The following ERBB4 variants were observed in gnomAD, a reference collection of about 807,000 sequenced individuals.
The protein encoded by ERBB4 is receptor tyrosine-protein kinase erbB-4.
Under a neutral mutation model 158.0 loss-of-function variants are expected in ERBB4, and 42 were observed. That is an observed-to-expected ratio of 0.27 (90% CI 0.21 to 0.34). The LOEUF (loss-of-function observed/expected upper bound fraction) is 0.34, where lower values mean the gene tolerates loss of function less well. Among genes scored for constraint, ERBB4 ranks in the 10% least tolerant of loss-of-function variants. The pLI, the probability that ERBB4 is intolerant of heterozygous loss-of-function variation, is 1.00. For missense variants in ERBB4, 1,333 were observed against 1,624.1 expected (o/e 0.82, Z 3.08); for synonymous variants, 583 against 558.7 (o/e 1.04, Z -0.61).
intron 20 of ERBB4, among the ~76,000 whole-genome samples, chr2:211,484,369 AG>A (rs541098816): frequency 4.1e-4 from 63 of 152,294 alleles, no homozygotes; most frequent in Middle Eastern, 6.8e-3. Flanking sequence ...ATCTAAATCT[AG>A]TTACATCAAT....
In ERBB4 at chr2:211,816,540, C is replaced by CAAAAAAAAAAAAAAAAAAA. The variant is rs34323414; in HGVS notation, c.422-28400_422-28382dup. Among the ~76,000 whole-genome samples, 2 of 65,888 alleles carry CAAAAAAAAAAAAAAAAAAA rather than the reference C, an allele frequency of 3.0e-5. 1 individual carries two copies. 43.2% of individuals were successfully genotyped at this position (65,888 alleles called of 152,430 possible). On this transcript the variant is annotated intron_variant, in intron 3 of 27. Transcript: ENST00000342788. ...TGGGTGACAGAGCGAGAGCCCGTCT[C>CAAAAAAAAAAAAAAAAAAA]AAAAAAAAAAAAAAAAAAAAAAAGA...
intron 1 of ERBB4, among the ~76,000 whole-genome samples, chr2:212,436,268 A>G (rs1203668750): frequency 6.6e-6 from 1 of 152,032 alleles, no homozygotes; most frequent in Non-Finnish European, 1.5e-5. Flanking sequence ...TTTAGAAACC[A>G]AAAAGTTTAT....
chr2:211,638,653 G>A (rs754610792), intron 16 of ERBB4, among the ~76,000 whole-genome samples: 23 of 151,948 alleles, frequency 1.5e-4, no homozygotes, highest in Admixed American at 3.3e-4. Flanking sequence ...TTTTTGACTC[G>A]GCTTTATGTG....
intron 3 of ERBB4, among the ~76,000 whole-genome samples, chr2:211,939,677 G>C (rs746561869): frequency 2.0e-5 from 3 of 152,124 alleles, no homozygotes; most frequent in Non-Finnish European, 4.4e-5. Flanking sequence ...GCCGGGCATG[G>C]TGGCTCACAC....
intron 9 of ERBB4, 32 bp downstream of exon 9, chr2:211,712,018 T>A (rs768391338): frequency 1.3e-6 from 2 of 1,589,760 alleles, no homozygotes; most frequent in Non-Finnish European, 1.7e-6. Context: ...CTACACTTTG[T>A]AAAATAACTT....
At chr2:212,528,571 T>C (rs1692576054) in intron 1 of ERBB4, among the ~76,000 whole-genome samples, 1 of 152,186 alleles carries the variant, frequency 6.6e-6, no homozygotes, top group Admixed American at 6.5e-5. Context: ...TTCTCATTAA[T>C]AGATTACTCG....
intron 2 of ERBB4, among the ~76,000 whole-genome samples, chr2:212,024,288 A>C (rs1575531207): frequency 6.6e-6 from 1 of 152,078 alleles, no homozygotes; most frequent in South Asian, 2.1e-4. Flanking sequence ...AATTTCCAAA[A>C]TAGATTGTGG....
At chr2:212,105,488 T>C (rs567508066) in intron 2 of ERBB4, among the ~76,000 whole-genome samples, 3 of 152,334 alleles carry the variant, frequency 2.0e-5, no homozygotes, top group African/African-American at 7.2e-5. Flanking sequence ...CTCTGAGTCT[T>C]TAGCAATCAC....
At chr2:211,571,026 C>CT (rs1194254725) in intron 19 of ERBB4, among the ~76,000 whole-genome samples, 3 of 144,944 alleles carry the variant, frequency 2.1e-5, no homozygotes, top group Non-Finnish European at 4.5e-5. Flanking sequence ...TTTTCACTCT[C>CT]TGAGTACTCT....
chr2:211,773,911 G>A (rs1013410279), intron 4 of ERBB4, among the ~76,000 whole-genome samples: 9 of 151,588 alleles, frequency 5.9e-5, no homozygotes, highest in Non-Finnish European at 1.2e-4. Context: ...ATCCAACATT[G>A]AGGTTGTAAA....
intron 1 of ERBB4, among the ~76,000 whole-genome samples, chr2:212,344,194 A>G (rs1365063586): frequency 6.6e-6 from 1 of 152,142 alleles, no homozygotes; most frequent in Non-Finnish European, 1.5e-5. Context: ...AAAAATAGAG[A>G]GTTAAAGCAA....
intron 20 of ERBB4, among the ~76,000 whole-genome samples, chr2:211,553,761 G>A (rs1297226042): frequency 6.6e-6 from 1 of 152,148 alleles, no homozygotes; most frequent in African/African-American, 2.4e-5. Context: ...TGATAGAGAT[G>A]AGATTTGAAC....
At chr2:212,423,787 A>G (rs1170334314) in intron 1 of ERBB4, among the ~76,000 whole-genome samples, 3 of 152,176 alleles carry the variant, frequency 2.0e-5, no homozygotes, top group African/African-American at 7.2e-5. Context: ...ACACCATGCA[A>G]ACAGAACCCT....
intron 20 of ERBB4, among the ~76,000 whole-genome samples, chr2:211,475,164 A>C (rs146537065): frequency 2.7e-4 from 41 of 152,218 alleles, no homozygotes; most frequent in Admixed American, 5.2e-4. Flanking sequence ...CTAATAAGTT[A>C]CTTGAAGATA....
Position 212,110,569 on chromosome 2 carries a change from C to T in ERBB4, c.234+14183G>A, listed in dbSNP as rs534491751. On this transcript the variant is annotated intron_variant, in intron 2 of 27. Transcript: ENST00000342788. ...TTGAGAACAAACCACCACACTAAGG[C>T]GAAGTCCACTGATATCTAAGTCCTT... Among the ~76,000 whole-genome samples the T allele has an allele frequency of 5.9e-5, 9 of 152,278 alleles. No homozygotes were observed. In the South Asian group the frequency reaches 6.2e-4, roughly 11 times the overall value.
Position 212,372,648 on chromosome 2 carries a change from C to T in ERBB4, c.82+165801G>A, listed in dbSNP as rs1321211528. On this transcript the variant is annotated intron_variant, in intron 1 of 27. Transcript: ENST00000342788. ...CCTGTAGTCCCAGGTACTCGGGAGGCTGAGGCAGGAGAATCGCTTGAACTT... is the reference window on the plus strand; with the variant it reads ...CCTGTAGTCCCAGGTACTCGGGAGGTTGAGGCAGGAGAATCGCTTGAACTT... 2.6e-5 allele frequency among the ~76,000 whole-genome samples: 4 copies of T among 152,224 alleles called. No individual in the cohort carries two copies. The East Asian group carries it at 5.8e-4, about 22-fold the overall frequency.
chr2:211,504,476 G>T (rs2065695895), intron 20 of ERBB4, among the ~76,000 whole-genome samples: 1 of 150,902 alleles, frequency 6.6e-6, no homozygotes, highest in African/African-American at 2.4e-5. Context: ...CCAAATGAAA[G>T]TAAATTCAAA....
chr2:211,781,532 A>G (rs2076036450), intron 4 of ERBB4, among the ~76,000 whole-genome samples: 1 of 152,220 alleles, frequency 6.6e-6, no homozygotes, highest in Non-Finnish European at 1.5e-5. Flanking sequence ...TTGATGAGCT[A>G]AACCTATGAG....
At chr2:212,333,864 T>C (rs1382278517) in intron 1 of ERBB4, among the ~76,000 whole-genome samples, 1 of 152,002 alleles carries the variant, frequency 6.6e-6, no homozygotes, top group East Asian at 1.9e-4. Flanking sequence ...AAAAAAACCT[T>C]CTTGACTAAT....
Sources: allele counts gnomAD v4.1 joint callset (sites outside exome capture counted in the v4.1 genomes callset), GRCh38; gene constraint gnomAD v4.1.1; transcripts MANE v1.5; gene names NCBI Gene and HGNC (gene_info 2026-07-23, HGNC 2026-07-21).